The following PEX5L variants were observed in gnomAD, a reference collection of about 807,000 sequenced individuals.
The protein encoded by PEX5L is peroxisomal biogenesis factor 5 like.
A neutral mutation model predicts 84.0 loss-of-function variants in PEX5L; 30 were observed. The observed-to-expected ratio is 0.36, with a 90% CI of 0.27 to 0.48. The LOEUF is 0.48. Among genes scored for constraint, PEX5L ranks in the 20% least tolerant of loss-of-function variants. The pLI is 0.99. For synonymous variants in PEX5L, 270 were observed against 283.1 expected (o/e 0.95, Z 0.46); for missense variants, 533 against 754.6 (o/e 0.71, Z 3.44).
chr3:179,975,409 C>T (rs1785652002), intron 1 of PEX5L, among the ~76,000 whole-genome samples: 1 of 152,078 alleles, frequency 6.6e-6, no homozygotes, highest in Non-Finnish European at 1.5e-5. Context: ...ATTAAAAGGA[C>T]TCTTCATACT....
chr3:179,898,009 T>C (rs559046547), intron 3 of PEX5L, 133 bp downstream of exon 3: 2 of 508,844 alleles, frequency 3.9e-6, no homozygotes, highest in African/African-American at 1.9e-5. Flanking sequence ...TATATTTGTA[T>C]AATTGTTTCA....
intron 8 of PEX5L, among the ~76,000 whole-genome samples, chr3:179,825,224 C>T (rs1729995564): frequency 2.6e-5 from 4 of 152,054 alleles, no homozygotes; most frequent in African/African-American, 9.7e-5. Context: ...GCAAACCAGC[C>T]CAGCTTTGTT....
intron 10 of PEX5L, among the ~76,000 whole-genome samples, chr3:179,812,800 G>C (rs191707389): frequency 5.9e-5 from 9 of 151,458 alleles, no homozygotes; most frequent in Admixed American, 2.6e-4. Flanking sequence ...GGTATATTAG[G>C]GTCTTAAGGT....
In PEX5L at chr3:179,875,223, A is replaced by G. The variant is rs75242475; in HGVS notation, c.629+131T>C. ...ATAATTTGAGTTGGTAGAAGCCACAATAATTGGTATTGTTATATAGGGGTT... is the reference window on the plus strand; with the variant it reads ...ATAATTTGAGTTGGTAGAAGCCACAGTAATTGGTATTGTTATATAGGGGTT... On this transcript the variant is annotated intron_variant, in intron 6 of 14. Transcript: ENST00000467460. 8.9e-4 allele frequency: 672 copies of G among 753,186 alleles called. 2 individuals are homozygous for G. The African/African-American group carries it at 0.011, about 12-fold the overall frequency. 46.7% of individuals were successfully genotyped at this position (753,186 alleles called of 1,614,324 possible). A position where few individuals can be genotyped will look rare whatever the true frequency, so the allele number is the denominator to read the frequency against.
At chr3:179,976,445 A>G (rs769595608) in intron 1 of PEX5L, among the ~76,000 whole-genome samples, 5 of 151,148 alleles carry the variant, frequency 3.3e-5, no homozygotes, top group Non-Finnish European at 5.9e-5. Context: ...TTTTTTTTGG[A>G]GGGGTGTGGG....
At chr3:179,860,371 G>A (rs1745614303) in intron 7 of PEX5L, among the ~76,000 whole-genome samples, 1 of 152,294 alleles carries the variant, frequency 6.6e-6, no homozygotes, top group African/African-American at 2.4e-5. Flanking sequence ...GGGTAGGGAG[G>A]GTGACTTCTT....
chr3:179,975,733 G>A (rs1013669084), intron 1 of PEX5L, among the ~76,000 whole-genome samples: 16 of 152,120 alleles, frequency 1.1e-4, no homozygotes, highest in Non-Finnish European at 1.9e-4. Flanking sequence ...CCTATCTTCA[G>A]CCTTTTCTCT....
chr3:180,028,041 A>G (rs757846185), intron 1 of PEX5L, among the ~76,000 whole-genome samples: 1 of 152,116 alleles, frequency 6.6e-6, no homozygotes, highest in Non-Finnish European at 1.5e-5. Flanking sequence ...TTGATGACTT[A>G]GTTAAGGTGT....
At chr3:179,995,911 T>C (rs1477990258) in intron 1 of PEX5L, among the ~76,000 whole-genome samples, 1 of 152,190 alleles carries the variant, frequency 6.6e-6, no homozygotes, top group East Asian at 1.9e-4. Flanking sequence ...AGGACCCTGA[T>C]GAAGCTGGGG....
At chr3:179,931,318 C>G (rs1324245254) in intron 2 of PEX5L, among the ~76,000 whole-genome samples, 1 of 152,130 alleles carries the variant, frequency 6.6e-6, no homozygotes, top group African/African-American at 2.4e-5. Context: ...CCTCAAAGGA[C>G]ATCTATTCAA....
At chr3:179,976,623 A>C (rs1220088622) in intron 1 of PEX5L, among the ~76,000 whole-genome samples, 2 of 152,108 alleles carry the variant, frequency 1.3e-5, no homozygotes, top group African/African-American at 4.8e-5. Flanking sequence ...TTTTTAGTAG[A>C]GACGGGGTTT....
chr3:179,803,093 A>G (rs1719737234), intron 14 of PEX5L, among the ~76,000 whole-genome samples: 1 of 152,150 alleles, frequency 6.6e-6, no homozygotes, highest in Non-Finnish European at 1.5e-5. Context: ...TCATTTTCTC[A>G]CATGCTTACA....
chr3:180,021,548 A>T (rs987062797), intron 1 of PEX5L, among the ~76,000 whole-genome samples: 6 of 152,240 alleles, frequency 3.9e-5, no homozygotes, highest in African/African-American at 1.4e-4. Context: ...GCTTAACATG[A>T]AAGGACTTCA....
intron 3 of PEX5L, among the ~76,000 whole-genome samples, chr3:179,889,297 ACTT>A (rs1211758588): frequency 6.6e-6 from 1 of 152,146 alleles, no homozygotes; most frequent in East Asian, 1.9e-4. Flanking sequence ...GAGAAAGTGC[ACTT>A]CTTTTATTTC....
rs550486232 is a variant in PEX5L at position 179,936,203 on chromosome 3, A to G, written c.93+35391T>C. ...AGTGAGAGTGGTGGAGTTGAGCCAA[A>G]TGATTCCTTACTGATTATATTTTTC... On this transcript the variant is annotated intron_variant, in intron 2 of 14. Transcript: ENST00000467460. 2.1e-4 allele frequency among the ~76,000 whole-genome samples: 32 copies of G among 152,190 alleles called. 1 individual carries two copies. The highest frequency in any genetic ancestry group is 1.2e-3 in the East Asian group (6 of 5,178).
intron 2 of PEX5L, among the ~76,000 whole-genome samples, chr3:179,969,029 A>C (rs1019539662): frequency 6.6e-6 from 1 of 152,100 alleles, no homozygotes; most frequent in Non-Finnish European, 1.5e-5. Flanking sequence ...TATATAAGCA[A>C]GACTGTAGGC....
At chr3:179,862,722 T>A (rs948360574) in intron 7 of PEX5L, among the ~76,000 whole-genome samples, 1 of 152,194 alleles carries the variant, frequency 6.6e-6, no homozygotes, top group Non-Finnish European at 1.5e-5. Flanking sequence ...CCCGTGATCA[T>A]GAATTGAAAG....
chr3:179,988,684 G>A (rs1452696336), intron 1 of PEX5L, among the ~76,000 whole-genome samples: 1 of 152,182 alleles, frequency 6.6e-6, no homozygotes, highest in Non-Finnish European at 1.5e-5. Context: ...GAACTTGCTG[G>A]TGCTCAGTTG....
intron 2 of PEX5L, among the ~76,000 whole-genome samples, chr3:179,918,366 T>G (rs1195107161): frequency 3.3e-5 from 5 of 152,216 alleles, no homozygotes; most frequent in African/African-American, 1.2e-4. Context: ...TTGGTGGGTA[T>G]AGTAAAATCC....
Sources: gnomAD v4.1 joint callset for allele counts (sites outside exome capture counted in the v4.1 genomes callset) on GRCh38, gnomAD v4.1.1 for gene constraint, MANE v1.5 for transcripts, NCBI Gene and HGNC (gene_info 2026-07-23, HGNC 2026-07-21) for gene names.